DAPK1: variants seen among roughly 807,000 people sequenced by gnomAD.
The protein encoded by DAPK1 is death associated protein kinase 1.
A neutral mutation model predicts 144.9 loss-of-function variants in DAPK1; 56 were observed. The ratio of observed to expected loss-of-function variants is 0.39; its 90% CI spans 0.31 to 0.48. The LOEUF (loss-of-function observed/expected upper bound fraction) is 0.48, where lower values mean the gene tolerates loss of function less well. Among genes scored for constraint, DAPK1 ranks in the 20% least tolerant of loss-of-function variants. The pLI is 0.95. For missense variants in DAPK1, 1,454 were observed against 1,875.4 expected (o/e 0.78, Z 4.15); for synonymous variants, 690 against 749.0 (o/e 0.92, Z 1.29).
At chr9:87,663,871 T>G (rs3118848) in intron 18 of DAPK1, among the ~76,000 whole-genome samples, 3 of 151,720 alleles carry the variant, frequency 2.0e-5, no homozygotes, top group Admixed American at 1.3e-4. Flanking sequence ...CCCAGGATCA[T>G]GGAAACCCTT....
chr9:87,519,838 G>A (rs1443858824), intron 2 of DAPK1, among the ~76,000 whole-genome samples: 1 of 152,126 alleles, frequency 6.6e-6, no homozygotes, highest in African/African-American at 2.4e-5. Context: ...GTAGGGGTGG[G>A]AGGGAAGCCA....
At chr9:87,626,450 CA>C (rs1829497944) in intron 3 of DAPK1, among the ~76,000 whole-genome samples, 1 of 151,554 alleles carries the variant, frequency 6.6e-6, no homozygotes, top group African/African-American at 2.4e-5. Flanking sequence ...AAAACAACAA[CA>C]ACAACAACAA....
At chr9:87,509,281 C>G (rs1019782928) in intron 2 of DAPK1, among the ~76,000 whole-genome samples, 28 of 152,134 alleles carry the variant, frequency 1.8e-4, no homozygotes, top group African/African-American at 6.0e-4. Flanking sequence ...GCAAAAAGCG[C>G]TAAAAAGTTA....
intron 2 of DAPK1, among the ~76,000 whole-genome samples, chr9:87,529,416 A>G (rs1356121022): frequency 6.6e-6 from 1 of 152,182 alleles, no homozygotes; most frequent in Admixed American, 6.5e-5. Context: ...ACGTGATCTT[A>G]CTAATTTATC....
chr9:87,702,965 G>A (rs1825507683), intron 24 of DAPK1, 64 bp from the exon 25 acceptor site: 1 of 754,498 alleles, frequency 1.3e-6, no homozygotes, highest in Non-Finnish European at 2.4e-6. Flanking sequence ...CCTTTCCACT[G>A]TGGCTCTGCT....
chr9:87,497,799 T>C (rs951847409), upstream of DAPK1: 1 of 369,476 alleles, frequency 2.7e-6, no homozygotes, highest in African/African-American at 2.1e-5. Flanking sequence ...GCCAGCCCGC[T>C]TGCAGGGTCC....
At chr9:87,547,566 G>GGA (rs3031521) in intron 2 of DAPK1, among the ~76,000 whole-genome samples, 90 of 117,710 alleles carry the variant, frequency 7.6e-4, no homozygotes, top group African/African-American at 2.7e-3. Context: ...AAGTGTGTGT[G>GGA]GAGAGAGAGA....
intron 18 of DAPK1, among the ~76,000 whole-genome samples, chr9:87,659,972 A>G (rs1830779814): frequency 6.6e-6 from 1 of 152,122 alleles, no homozygotes; most frequent in Non-Finnish European, 1.5e-5. Flanking sequence ...CAGTCACTGA[A>G]TGGGACCGCG....
chr9:87,571,476 A>ACACCCCCACACAC lies in DAPK1; in HGVS notation c.63-33478_63-33477insCACCCCCACACAC, dbSNP rs771023885. Among the ~76,000 whole-genome samples, 2 of 48,548 alleles carry ACACCCCCACACAC rather than the reference A, an allele frequency of 4.1e-5. 1 individual carries two copies. Among genetic ancestry groups the ACACCCCCACACAC allele is most frequent in the African/African-American group, 1.8e-4 (2 of 10,862 alleles). 31.8% of individuals were successfully genotyped at this position (48,548 alleles called of 152,430 possible). On this transcript the variant is annotated intron_variant, in intron 2 of 25. Coordinates refer to ENST00000408954, the MANE Select transcript of DAPK1 (RefSeq NM_004938.4). ...ACACACACACACACACACACACACC[A>ACACCCCCACACAC]ACACACACACACACACACCCCAACA...
intron 2 of DAPK1, among the ~76,000 whole-genome samples, chr9:87,545,692 T>A (rs1336759990): frequency 6.6e-6 from 1 of 152,130 alleles, no homozygotes; most frequent in Non-Finnish European, 1.5e-5. Context: ...ATTACAGGCA[T>A]GCACCACCAC....
chr9:87,623,699 T>C (rs1829389626), intron 3 of DAPK1, among the ~76,000 whole-genome samples: 1 of 152,152 alleles, frequency 6.6e-6, no homozygotes, highest in Non-Finnish European at 1.5e-5. Flanking sequence ...TCTGGGTTCC[T>C]GAGAGGAAGG....
At chr9:87,646,319 A>G (rs1830263867) in intron 12 of DAPK1, 142 bp from the exon 13 acceptor site, 1 of 673,436 alleles carries the variant, frequency 1.5e-6, no homozygotes, top group Admixed American at 2.8e-5. Context: ...ATACCCTTCC[A>G]CCTGTCTTCT....
intron 2 of DAPK1, among the ~76,000 whole-genome samples, chr9:87,526,398 A>T (rs1365201454): frequency 2.0e-5 from 3 of 152,214 alleles, no homozygotes; most frequent in Non-Finnish European, 2.9e-5. Flanking sequence ...CAGACACAGA[A>T]ATAGAATCAT....
chr9:87,506,288 A>G (rs1039091323), intron 2 of DAPK1, among the ~76,000 whole-genome samples: 2 of 152,168 alleles, frequency 1.3e-5, no homozygotes, highest in Non-Finnish European at 2.9e-5. Context: ...TAAATAGTAG[A>G]CCCTTCATGG....
At chr9:87,660,652 A>G (rs780761505) in intron 18 of DAPK1, among the ~76,000 whole-genome samples, 7 of 151,906 alleles carry the variant, frequency 4.6e-5, no homozygotes, top group African/African-American at 1.7e-4. Flanking sequence ...CACCCCTCCA[A>G]GTCCCCGTTG....
intron 19 of DAPK1, among the ~76,000 whole-genome samples, chr9:87,675,982 C>T (rs973102608): frequency 1.1e-4 from 16 of 152,066 alleles, no homozygotes; most frequent in African/African-American, 2.7e-4. Flanking sequence ...AGCCTGGTCT[C>T]GCCCTGACTG....
chr9:87,708,137 C>T lies in DAPK1; in HGVS notation c.*773C>T, dbSNP rs897928764. 2 of 258,886 alleles carry T rather than the reference C, an allele frequency of 7.7e-6. No homozygotes were observed. Among genetic ancestry groups the T allele is most frequent in the South Asian group, 8.7e-5 (2 of 22,876 alleles). The allele number at this position is 258,886 out of a possible 1,614,324, so 16.0% of individuals were successfully genotyped here. Reference sequence around the variant, plus strand: ...TTGTTGCTCTAGGAAGACATTTTTCCGTTTGCTTTTGTTCCAATGTCAATG... The same window carrying T: ...TTGTTGCTCTAGGAAGACATTTTTCTGTTTGCTTTTGTTCCAATGTCAATG... On this transcript the variant is annotated 3_prime_UTR_variant, in exon 26 of 26. Coordinates refer to ENST00000408954, the MANE Select transcript of DAPK1 (RefSeq NM_004938.4).
intron 18 of DAPK1, among the ~76,000 whole-genome samples, chr9:87,662,560 G>GTTTTTTTTATTTTTTTTTTTTTTTTTT (rs1830889082): frequency 3.1e-5 from 1 of 32,154 alleles, no homozygotes; most frequent in Admixed American, 5.2e-4. Context: ...TATATTCCTA[G>GTTTTTTTTATTTTTTTTTTTTTTTTTT]TTTTTTTTTT....
In DAPK1 at chr9:87,604,928, A is replaced by T. The variant is rs772119666; in HGVS notation, c.63-26A>T. ...AATCCTGTTTTTTTTATGAACGATA[A>T]AGAATCCTCCATCTTCTCTTTTCAG... On this transcript the variant is annotated intron_variant, in intron 2 of 25. Coordinates refer to ENST00000408954, the MANE Select transcript of DAPK1 (RefSeq NM_004938.4). The T allele has an allele frequency of 3.7e-6, 6 of 1,605,874 alleles. No individual in the cohort carries two copies. The Admixed American group carries it at 8.4e-5, about 22-fold the overall frequency.
Sources: gnomAD v4.1 joint callset for allele counts (sites outside exome capture counted in the v4.1 genomes callset) on GRCh38, gnomAD v4.1.1 for gene constraint, MANE v1.5 for transcripts, NCBI Gene and HGNC (gene_info 2026-07-23, HGNC 2026-07-21) for gene names.